SLC35F1: variants seen among roughly 807,000 people sequenced by gnomAD.
SLC35F1 encodes the protein solute carrier family 35 member F1.
SLC35F1 carries 14 observed loss-of-function variants against 48.7 expected under a neutral mutation model. That is an observed-to-expected ratio of 0.29 (90% CI 0.19 to 0.45). SLC35F1 has a LOEUF of 0.45. SLC35F1 is among the 20% of genes least tolerant of loss of function. The pLI is 1.00. For missense variants in SLC35F1, 404 were observed against 500.0 expected, an observed-to-expected ratio of 0.81 and a Z score of 1.83; for synonymous variants, 190 against 202.2, an observed-to-expected ratio of 0.94 and a Z score of 0.51.
chr6:117,952,782 G>T (rs758718940), intron 1 of SLC35F1, among the ~76,000 whole-genome samples: 4 of 152,128 alleles, frequency 2.6e-5, no homozygotes, highest in African/African-American at 7.2e-5. Flanking sequence ...ATCCTATTTT[G>T]CCCATCAATA....
chr6:117,924,471 T>TAC (rs1300833805), intron 1 of SLC35F1, among the ~76,000 whole-genome samples: 1 of 17,616 alleles, frequency 5.7e-5, no homozygotes, highest in Non-Finnish European at 2.1e-4. Context: ...TGTACATATA[T>TAC]ACATATGTAT....
At chr6:117,959,030 G>T (rs1776461879) in intron 1 of SLC35F1, among the ~76,000 whole-genome samples, 1 of 152,178 alleles carries the variant, frequency 6.6e-6, no homozygotes, top group Admixed American at 6.5e-5. Context: ...AGGCAGGCTG[G>T]TTGGTTTAGA....
intron 1 of SLC35F1, among the ~76,000 whole-genome samples, chr6:118,095,457 C>T (rs1453082496): frequency 3.3e-5 from 5 of 152,182 alleles, no homozygotes; most frequent in Admixed American, 2.6e-4. Context: ...TCAAATTAGA[C>T]AACATGCTTG....
chr6:118,295,343 A>G (rs1776171428), intron 7 of SLC35F1, among the ~76,000 whole-genome samples: 1 of 152,224 alleles, frequency 6.6e-6, no homozygotes, highest in African/African-American at 2.4e-5. Context: ...ATAAGTGAAG[A>G]TGACAGAAAC....
intron 1 of SLC35F1, among the ~76,000 whole-genome samples, chr6:117,956,061 G>T (rs571509383): frequency 9.2e-5 from 14 of 152,192 alleles, no homozygotes; most frequent in Non-Finnish European, 1.9e-4. Context: ...TTTGTCACTT[G>T]GGAGAGTATG....
chr6:118,032,302 G>A (rs114792356), intron 1 of SLC35F1, among the ~76,000 whole-genome samples: 1,746 of 152,178 alleles, frequency 0.011, 38 homozygotes, highest in African/African-American at 0.039. Context: ...AACAGGGTCC[G>A]TTTACAGATA....
intron 3 of SLC35F1, among the ~76,000 whole-genome samples, chr6:118,240,658 G>A (rs532085149): frequency 3.9e-5 from 6 of 152,298 alleles, no homozygotes; most frequent in Admixed American, 3.9e-4. Flanking sequence ...CAGTTCTCTG[G>A]GAACGTTTGT....
chr6:118,213,885 A>T (rs1174369702), intron 2 of SLC35F1, among the ~76,000 whole-genome samples: 2 of 152,234 alleles, frequency 1.3e-5, no homozygotes, highest in Non-Finnish European at 2.9e-5. Flanking sequence ...AGGAAATAGT[A>T]CTGGATGTGA....
chr6:118,011,994 C>G (rs1777254632), intron 1 of SLC35F1, among the ~76,000 whole-genome samples: 4 of 152,094 alleles, frequency 2.6e-5, no homozygotes. Flanking sequence ...TATACATATC[C>G]TGACATTTTA....
chr6:118,294,170 G>T (rs1776156407), intron 7 of SLC35F1, among the ~76,000 whole-genome samples: 1 of 152,114 alleles, frequency 6.6e-6, no homozygotes, highest in Non-Finnish European at 1.5e-5. Context: ...TTATGATTTT[G>T]TAACTAGATG....
intron 3 of SLC35F1, among the ~76,000 whole-genome samples, chr6:118,261,932 C>A (rs1775717640): frequency 6.6e-6 from 1 of 152,192 alleles, no homozygotes; most frequent in Non-Finnish European, 1.5e-5. Context: ...CATGTTACTG[C>A]TCCACAGCCT....
intron 1 of SLC35F1, among the ~76,000 whole-genome samples, chr6:118,014,458 A>G (rs897862223): frequency 6.6e-6 from 1 of 152,234 alleles, no homozygotes; most frequent in African/African-American, 2.4e-5. Flanking sequence ...GCTAAAAACA[A>G]GGATTGGTAC....
At chr6:118,311,634 T>C (rs1776373015) in intron 7 of SLC35F1, among the ~76,000 whole-genome samples, 1 of 151,968 alleles carries the variant, frequency 6.6e-6, no homozygotes, top group African/African-American at 2.4e-5. Context: ...CTACAAAAAA[T>C]ACAAAAATTA....
chr6:118,174,662 A>G (rs1774459573), intron 2 of SLC35F1, among the ~76,000 whole-genome samples: 3 of 152,136 alleles, frequency 2.0e-5, no homozygotes, highest in Admixed American at 6.6e-5. Context: ...AGAATTTTCC[A>G]TATTTGTTGA....
intron 7 of SLC35F1, among the ~76,000 whole-genome samples, chr6:118,292,215 C>T (rs1302739315): frequency 6.6e-6 from 1 of 152,176 alleles, no homozygotes; most frequent in Non-Finnish European, 1.5e-5. Flanking sequence ...TTTAAAGGCT[C>T]CCCAGGTGAT....
At chr6:118,180,088 T>C (rs1774551416) in intron 2 of SLC35F1, among the ~76,000 whole-genome samples, 1 of 152,162 alleles carries the variant, frequency 6.6e-6, no homozygotes, top group Non-Finnish European at 1.5e-5. Flanking sequence ...AAAACATTTC[T>C]CCTTTGAGAA....
chr6:118,177,149 A>G (rs147483690), intron 2 of SLC35F1, among the ~76,000 whole-genome samples: 11 of 152,106 alleles, frequency 7.2e-5, no homozygotes, highest in African/African-American at 1.9e-4. Flanking sequence ...CCCATCTTTA[A>G]GGACTGCTGC....
intron 3 of SLC35F1, among the ~76,000 whole-genome samples, chr6:118,251,096 T>G (rs1173591134): frequency 6.6e-6 from 1 of 152,144 alleles, no homozygotes; most frequent in Non-Finnish European, 1.5e-5. Context: ...AAGACAACTC[T>G]GGGCAACATG....
chr6:118,130,456 G>A (rs113924800), intron 1 of SLC35F1, among the ~76,000 whole-genome samples: 5 of 152,096 alleles, frequency 3.3e-5, no homozygotes, highest in African/African-American at 9.7e-5. Context: ...GGGCGACAGA[G>A]CAAGACTCCA....
Sources: allele counts gnomAD v4.1 joint callset (sites outside exome capture counted in the v4.1 genomes callset), GRCh38; gene constraint gnomAD v4.1.1; transcripts MANE v1.5; gene names NCBI Gene and HGNC (gene_info 2026-07-23, HGNC 2026-07-21).